The following ATP6V0E1 variants were observed in gnomAD, a reference collection of about 807,000 sequenced individuals.
ATP6V0E1 encodes V-type proton ATPase subunit e 1.
A neutral mutation model predicts 11.6 loss-of-function variants in ATP6V0E1; 4 were observed. The observed-to-expected ratio is 0.35, with a 90% confidence interval of 0.17 to 0.79. ATP6V0E1 has a LOEUF of 0.79. Among genes scored for constraint, ATP6V0E1 ranks in the 30% least tolerant of loss-of-function variants. The pLI, the probability that ATP6V0E1 is intolerant of heterozygous loss-of-function variation, is 0.54. For synonymous variants in ATP6V0E1, 36 were observed against 34.8 expected (o/e 1.04, Z -0.13); for missense variants, 105 against 100.0 (o/e 1.05, Z -0.21).
chr5:173,003,116 T>C (rs1331129788), intron 2 of ATP6V0E1, among the ~76,000 whole-genome samples: 3 of 152,138 alleles, frequency 2.0e-5, no homozygotes, highest in Non-Finnish European at 2.9e-5. Context: ...AGAGTTTATG[T>C]AAGGCCCAGG....
Position 173,032,262 on chromosome 5 carries a change from TTTA to T in ATP6V0E1, c.*37-2134_*37-2132del, listed in dbSNP as rs1561778686. On this transcript the variant is annotated intron_variant, in intron 3 of 3. Coordinates refer to ENST00000519374, the MANE Select transcript of ATP6V0E1 (RefSeq NM_003945.4). ...ACTTTTATTTTATTTTATTTATTTA[TTTA>T]TTTATTTATTTATTTATTTATTTAT... 9.2e-3 allele frequency among the ~76,000 whole-genome samples: 1,054 copies of T among 114,220 alleles called. 27 individuals are homozygous for T. The highest frequency in any genetic ancestry group is 0.033 in the African/African-American group (915 of 28,006). 74.9% of individuals were successfully genotyped at this position (114,220 alleles called of 152,430 possible).
chr5:173,027,296 G>T (rs2113614348), intron 3 of ATP6V0E1, among the ~76,000 whole-genome samples: 1 of 147,856 alleles, frequency 6.8e-6, no homozygotes, highest in East Asian at 2.0e-4. Context: ...GACCATCCTG[G>T]CTAACACGGT....
intron 2 of ATP6V0E1, among the ~76,000 whole-genome samples, chr5:172,996,277 C>T (rs916146947): frequency 1.1e-4 from 16 of 152,112 alleles, no homozygotes; most frequent in Admixed American, 2.6e-4. Context: ...AGTCACATTC[C>T]GGCCAGGATC....
chr5:173,030,354 T>C (rs1756630500), intron 3 of ATP6V0E1, among the ~76,000 whole-genome samples: 1 of 152,140 alleles, frequency 6.6e-6, no homozygotes, highest in Non-Finnish European at 1.5e-5. Context: ...ATATATCGTT[T>C]AAGAAGAATA....
intron 2 of ATP6V0E1, among the ~76,000 whole-genome samples, chr5:173,016,946 G>T (rs1444237933): frequency 6.6e-6 from 1 of 152,028 alleles, no homozygotes; most frequent in Admixed American, 6.6e-5. Flanking sequence ...ATCTGTTTTG[G>T]CCTGCTTTCC....
intron 2 of ATP6V0E1, among the ~76,000 whole-genome samples, chr5:172,998,313 A>C (rs559900362): frequency 6.6e-6 from 1 of 150,540 alleles, no homozygotes; most frequent in Non-Finnish European, 1.5e-5. Context: ...TTTGGCTGTA[A>C]AGAGTATATG....
At chr5:173,002,440 C>G (rs935663534) in intron 2 of ATP6V0E1, among the ~76,000 whole-genome samples, 1 of 152,116 alleles carries the variant, frequency 6.6e-6, no homozygotes, top group Non-Finnish European at 1.5e-5. Flanking sequence ...GTTGTTTGCC[C>G]TTTAATGTTG....
intron 2 of ATP6V0E1, among the ~76,000 whole-genome samples, chr5:173,012,003 T>C (rs1358402256): frequency 1.3e-5 from 2 of 151,918 alleles, no homozygotes; most frequent in Non-Finnish European, 2.9e-5. Flanking sequence ...CCTCTGAAAT[T>C]TCAAATAAAC....
At chr5:173,013,808 C>G (rs189936818) in intron 2 of ATP6V0E1, among the ~76,000 whole-genome samples, 1 of 152,200 alleles carries the variant, frequency 6.6e-6, no homozygotes, top group Non-Finnish European at 1.5e-5. Context: ...AAATGCAATT[C>G]AAAACTACAA....
At chr5:172,999,013 A>C (rs958401042) in intron 2 of ATP6V0E1, among the ~76,000 whole-genome samples, 5 of 151,868 alleles carry the variant, frequency 3.3e-5, no homozygotes, top group Non-Finnish European at 5.9e-5. Flanking sequence ...GCGGGCACCT[A>C]TAATCCCAGC....
intron 3 of ATP6V0E1, among the ~76,000 whole-genome samples, chr5:173,031,734 G>A (rs957747918): frequency 6.6e-6 from 1 of 150,506 alleles, no homozygotes; most frequent in African/African-American, 2.4e-5. Flanking sequence ...CAGGAGAATA[G>A]CGTGAACCTG....
intron 2 of ATP6V0E1, among the ~76,000 whole-genome samples, chr5:172,998,356 C>A (rs1398061471): frequency 6.6e-6 from 1 of 151,964 alleles, no homozygotes; most frequent in Admixed American, 6.6e-5. Flanking sequence ...CCTGTAATCC[C>A]AGCACTCTGG....
At chr5:172,985,354 AT>A (rs916767424) in intron 1 of ATP6V0E1, among the ~76,000 whole-genome samples, 22 of 150,914 alleles carry the variant, frequency 1.5e-4, no homozygotes, top group Middle Eastern at 3.4e-3. Context: ...GTCTAAAATT[AT>A]TTTTTTTTAA....
At chr5:172,986,735 C>T in intron 1 of ATP6V0E1, 1 of 451,446 alleles carries the variant, frequency 2.2e-6, no homozygotes, top group South Asian at 1.5e-5. Context: ...AAGAAGCAGG[C>T]CAAGGAGATG....
rs961446615 is a variant in ATP6V0E1 at position 173,034,619 on chromosome 5, C to T, written c.*257C>T. 1 of 575,544 alleles carries T rather than the reference C, an allele frequency of 1.7e-6. No homozygotes were observed. Among genetic ancestry groups the T allele is most frequent in the Non-Finnish European group, 3.1e-6 (1 of 318,324 alleles). 35.7% of individuals were successfully genotyped at this position (575,544 alleles called of 1,614,324 possible). ...CGACTCCACAAAACGATTATGTACT[C>T]TTCTGAGATAGAAGATGCTGTTCTT... On this transcript the variant is annotated 3_prime_UTR_variant, in exon 4 of 4. Transcript: ENST00000519374.
intron 3 of ATP6V0E1, among the ~76,000 whole-genome samples, chr5:173,030,731 T>C (rs113690888): frequency 0.15 from 22,984 of 151,616 alleles, 1,961 homozygotes; most frequent in African/African-American, 0.18. Context: ...CCACTGCACC[T>C]GGCCCATTGG....
chr5:173,001,168 T>C (rs996448619), intron 2 of ATP6V0E1, among the ~76,000 whole-genome samples: 4 of 152,150 alleles, frequency 2.6e-5, no homozygotes, highest in African/African-American at 9.7e-5. Context: ...TGGACACTAC[T>C]AAAAATACAG....
intron 2 of ATP6V0E1, among the ~76,000 whole-genome samples, chr5:173,018,203 G>A (rs529124850): frequency 1.8e-4 from 28 of 152,112 alleles, no homozygotes; most frequent in Non-Finnish European, 3.5e-4. Flanking sequence ...ATTTGTATAC[G>A]TATTATATCC....
intron 1 of ATP6V0E1, among the ~76,000 whole-genome samples, chr5:172,992,089 C>T (rs1055314227): frequency 1.3e-5 from 2 of 151,878 alleles, no homozygotes; most frequent in Admixed American, 6.6e-5. Context: ...CTCGCTCTGT[C>T]GCCCAGGCTG....
Sources: gnomAD v4.1 joint callset for allele counts (sites outside exome capture counted in the v4.1 genomes callset) on GRCh38, gnomAD v4.1.1 for gene constraint, MANE v1.5 for transcripts, NCBI Gene and HGNC (gene_info 2026-07-23, HGNC 2026-07-21) for gene names.